The following MSRA variants were observed in gnomAD, a reference collection of about 807,000 sequenced individuals.
The protein encoded by MSRA is methionine sulfoxide reductase A.
MSRA carries 54 observed loss-of-function variants against 31.3 expected under a neutral mutation model. The observed-to-expected ratio is 1.73, with a 90% CI of 1.39 to 2.17. The LOEUF (loss-of-function observed/expected upper bound fraction) is 2.17, where lower values mean the gene tolerates loss of function less well. MSRA is among the 30% of genes most tolerant of loss of function. The probability of loss-of-function intolerance (pLI) is 0.00; values close to 1 mark genes in which losing one functional copy is unlikely to be tolerated. For missense variants in MSRA, 507 were observed against 300.9 expected (o/e 1.69, Z -5.07); for synonymous variants, 169 against 116.5 (o/e 1.45, Z -2.90).
chr8:10,115,629 C>G (rs898110652), intron 1 of MSRA, among the ~76,000 whole-genome samples: 1 of 152,136 alleles, frequency 6.6e-6, no homozygotes, highest in Non-Finnish European at 1.5e-5. Flanking sequence ...ACCAGTGGCG[C>G]TTTCTAAAAG....
intron 1 of MSRA, among the ~76,000 whole-genome samples, chr8:10,192,641 A>G (rs1316095749): frequency 6.6e-6 from 1 of 152,232 alleles, no homozygotes; most frequent in Non-Finnish European, 1.5e-5. Context: ...GGCTTAAGCA[A>G]GGATGGGAAA....
In MSRA at chr8:10,377,804, G is replaced by A. The variant is rs187378652; in HGVS notation, c.544-50344G>A. Reference sequence around the variant, plus strand: ...TCAGAGGAGGGTTGTGAACAGCCACGTGCTGGGTGTGGAGGCAAGTGGGTC... The same window carrying A: ...TCAGAGGAGGGTTGTGAACAGCCACATGCTGGGTGTGGAGGCAAGTGGGTC... On this transcript the variant is annotated intron_variant, in intron 5 of 5. Transcript: ENST00000317173. Among the ~76,000 whole-genome samples, 533 of 152,332 alleles carry A rather than the reference G, an allele frequency of 3.5e-3. 16 individuals carry two copies. Among genetic ancestry groups the A allele is most frequent in the Non-Finnish European group, 3.5e-3 (235 of 68,036 alleles).
chr8:10,096,059 T>C, intron 1 of MSRA: 3 of 1,385,454 alleles, frequency 2.2e-6, no homozygotes, highest in Non-Finnish European at 2.9e-6. Context: ...TTTTTAGATT[T>C]TATTTTATTT....
At chr8:10,141,849 CGTGGTTGCACT>C (rs1292089804) in intron 1 of MSRA, among the ~76,000 whole-genome samples, 2 of 152,102 alleles carry the variant, frequency 1.3e-5, no homozygotes, top group Non-Finnish European at 2.9e-5. Flanking sequence ...CTAGGATTAC[CGTGGTTGCACT>C]GTGCCTAGCT....
chr8:10,105,731 C>T (rs143423675), intron 1 of MSRA, among the ~76,000 whole-genome samples: 2 of 152,268 alleles, frequency 1.3e-5, no homozygotes, highest in East Asian at 3.9e-4. Context: ...TTGAGAAATG[C>T]ACACTGTTGG....
intron 3 of MSRA, among the ~76,000 whole-genome samples, chr8:10,281,007 G>A (rs73534551): frequency 5.9e-5 from 9 of 152,164 alleles, no homozygotes. Flanking sequence ...CGGGGGAGAT[G>A]GTGGGTTTGG....
chr8:10,183,998 C>A (rs1256566863), intron 1 of MSRA, among the ~76,000 whole-genome samples: 1 of 64 alleles, frequency 0.016, no homozygotes, highest in African/African-American at 0.12. Flanking sequence ...GTTTTCTTGG[C>A]TACTAGGTGG....
chr8:10,121,844 ATTT>A lies in MSRA; in HGVS notation c.142+67200_142+67202del, dbSNP rs35572639. On this transcript the variant is annotated intron_variant, in intron 1 of 5. Coordinates refer to ENST00000317173, the MANE Select transcript of MSRA (RefSeq NM_012331.5). Reference sequence around the variant, plus strand: ...CACCACCATACGCAACTAATTTTTAATTTTTTTTTTTTTTTTGGTAGAAACAGG... The same window carrying A: ...CACCACCATACGCAACTAATTTTTAATTTTTTTTTTTTTGGTAGAAACAGG... Among the ~76,000 whole-genome samples the A allele has an allele frequency of 3.3e-3, 488 of 146,550 alleles. 2 individuals are homozygous for A. Among genetic ancestry groups the A allele is most frequent in the East Asian group, 0.022 (111 of 4,974 alleles).
intron 5 of MSRA, among the ~76,000 whole-genome samples, chr8:10,389,968 C>A (rs1363944472): frequency 6.6e-6 from 1 of 152,090 alleles, no homozygotes; most frequent in Non-Finnish European, 1.5e-5. Context: ...CCACTCCCTG[C>A]ATGGCTCACA....
chr8:10,369,314 A>G (rs1332085704), intron 5 of MSRA, among the ~76,000 whole-genome samples: 1 of 151,930 alleles, frequency 6.6e-6, no homozygotes, highest in Non-Finnish European at 1.5e-5. Flanking sequence ...CTATTCATCC[A>G]TTCTAGACAG....
intron 5 of MSRA, among the ~76,000 whole-genome samples, chr8:10,373,999 G>A (rs1013849061): frequency 1.3e-5 from 2 of 152,180 alleles, no homozygotes; most frequent in Admixed American, 6.5e-5. Context: ...TGCCATGCTC[G>A]CCCTCCCCAG....
intron 1 of MSRA, among the ~76,000 whole-genome samples, chr8:10,078,260 T>C (rs1798095506): frequency 6.6e-6 from 1 of 152,212 alleles, no homozygotes; most frequent in South Asian, 2.1e-4. Context: ...CCTCCTTCCC[T>C]ACTCAGCCAG....
chr8:10,100,720 G>C (rs966598431), intron 1 of MSRA, among the ~76,000 whole-genome samples: 8 of 152,146 alleles, frequency 5.3e-5, no homozygotes, highest in African/African-American at 1.9e-4. Context: ...GCCGTGAGTT[G>C]TGCTCAGGTT....
chr8:10,329,711 G>A (rs1054259355), intron 5 of MSRA, among the ~76,000 whole-genome samples: 3 of 151,890 alleles, frequency 2.0e-5, no homozygotes, highest in African/African-American at 4.8e-5. Context: ...TCCTCGGGCT[G>A]CTTAGGAGAG....
intron 5 of MSRA, among the ~76,000 whole-genome samples, chr8:10,340,403 T>C (rs1215881180): frequency 6.6e-6 from 1 of 152,200 alleles, no homozygotes; most frequent in Non-Finnish European, 1.5e-5. Flanking sequence ...GACAAAGTTT[T>C]CCTCTGTCAC....
chr8:10,074,496 T>C (rs1457759419), intron 1 of MSRA, among the ~76,000 whole-genome samples: 1 of 152,166 alleles, frequency 6.6e-6, no homozygotes, highest in African/African-American at 2.4e-5. Flanking sequence ...ATAAGTTTTT[T>C]TGATCACTGA....
At chr8:10,071,627 A>C (rs1343430105) in intron 1 of MSRA, among the ~76,000 whole-genome samples, 1 of 151,634 alleles carries the variant, frequency 6.6e-6, no homozygotes, top group African/African-American at 2.4e-5. Context: ...GTTTTCCTTA[A>C]AGTTCTGTAG....
chr8:10,066,385 A>G (rs1367866602), intron 1 of MSRA, among the ~76,000 whole-genome samples: 1 of 152,248 alleles, frequency 6.6e-6, no homozygotes, highest in Non-Finnish European at 1.5e-5. Context: ...CCGAGAAAGC[A>G]TTCTCCAAAA....
intron 1 of MSRA, among the ~76,000 whole-genome samples, chr8:10,207,197 A>T (rs1431009742): frequency 6.6e-6 from 1 of 152,144 alleles, no homozygotes; most frequent in African/African-American, 2.4e-5. Context: ...CCGAGTCCTC[A>T]GTGTTTACTA....
Sources: gnomAD v4.1 joint callset for allele counts (sites outside exome capture counted in the v4.1 genomes callset) on GRCh38, gnomAD v4.1.1 for gene constraint, MANE v1.5 for transcripts, NCBI Gene and HGNC (gene_info 2026-07-23, HGNC 2026-07-21) for gene names.